The following C16orf95 variants were observed in gnomAD, a reference collection of about 807,000 sequenced individuals.
C16orf95 encodes chromosome 16 open reading frame 95.
In C16orf95, 41 loss-of-function variants were observed where a neutral mutation model predicts 32.1. The ratio of observed to expected loss-of-function variants is 1.28; its 90% CI spans 1.00 to 1.66. The LOEUF is 1.66. Among genes scored for constraint, C16orf95 ranks in the 40% most tolerant of loss-of-function variants. The pLI is 0.00. For synonymous variants in C16orf95, 147 were observed against 128.9 expected (o/e 1.14, Z -0.95); for missense variants, 399 against 325.9 (o/e 1.22, Z -1.73).
chr16:87,315,725 G>C (rs1290558697), intron 2 of C16orf95, 47 bp downstream of exon 2: 1 of 1,395,728 alleles, frequency 7.2e-7, no homozygotes, highest in Non-Finnish European at 9.6e-7. Flanking sequence ...CACCCCACAG[G>C]GATATGTTGG....
chr16:87,304,631 G>A (rs1435881581), intron 6 of C16orf95, among the ~76,000 whole-genome samples: 1 of 152,238 alleles, frequency 6.6e-6, no homozygotes, highest in Non-Finnish European at 1.5e-5. Context: ...TGCATGGCCT[G>A]GAGAGGCTGG....
At chr16:87,314,722 C>T (rs1267069003) in intron 3 of C16orf95, among the ~76,000 whole-genome samples, 1 of 152,112 alleles carries the variant, frequency 6.6e-6, no homozygotes, top group Non-Finnish European at 1.5e-5. Context: ...AATCACAGAT[C>T]CTTTTATAGT....
Position 87,309,372 on chromosome 16 carries a change from C to CTTTTTTTTTTTTT in C16orf95, c.514+912_514+924dup, listed in dbSNP as rs10551847. On this transcript the variant is annotated intron_variant, in intron 5 of 6. Coordinates refer to ENST00000567970, the MANE Select transcript of C16orf95 (RefSeq NM_001195124.3). ...TATGCATTTTCTTTTTCTTTCTTTT[C>CTTTTTTTTTTTTT]TTTTTTTTTTTTTTTTTTTTTTTTT... is the stretch of plus-strand genomic sequence containing the variant. Among the ~76,000 whole-genome samples the CTTTTTTTTTTTTT allele has an allele frequency of 1.2e-4, 10 of 86,040 alleles. 1 individual carries two copies. The highest frequency in any genetic ancestry group is 3.6e-4 in the African/African-American group (6 of 16,886). The allele number at this position is 86,040 out of a possible 152,430, so 56.4% of individuals were successfully genotyped here. A position where few individuals can be genotyped will look rare whatever the true frequency, so the allele number is the denominator to read the frequency against.
At chr16:87,310,360 G>C in intron 4 of C16orf95, 27 bp from the exon 5 acceptor site, 1 of 1,535,944 alleles carries the variant, frequency 6.5e-7, no homozygotes, top group Non-Finnish European at 8.7e-7. Context: ...GAGGCAAGCA[G>C]TCAGCCTGGC....
intron 5 of C16orf95, among the ~76,000 whole-genome samples, chr16:87,306,587 C>T (rs1458764446): frequency 2.0e-5 from 3 of 152,130 alleles, no homozygotes; most frequent in Non-Finnish European, 2.9e-5. Flanking sequence ...CTAAGTCTGT[C>T]TTTACAAGAA....
At chr16:87,310,240 C>T in intron 5 of C16orf95, 57 bp downstream of exon 5, 21 of 1,518,070 alleles carry the variant, frequency 1.4e-5, no homozygotes, top group Admixed American at 2.0e-5. Context: ...ATGATGCTCA[C>T]GAACCCCACC....
intron 6 of C16orf95, 47 bp from the exon 7 acceptor site, chr16:87,303,122 G>C (rs1441801841): frequency 6.5e-7 from 1 of 1,534,498 alleles, no homozygotes; most frequent in Non-Finnish European, 8.7e-7. Flanking sequence ...CCCAGGCTGA[G>C]ACCAGCTGCC....
chr16:87,315,386 T>C (rs1022526913), intron 2 of C16orf95, among the ~76,000 whole-genome samples: 8 of 152,318 alleles, frequency 5.3e-5, no homozygotes, highest in Admixed American at 1.3e-4. Flanking sequence ...AAAATGGGCA[T>C]GTACAAGCAG....
intron 3 of C16orf95, among the ~76,000 whole-genome samples, chr16:87,313,797 T>A (rs1385353292): frequency 1.3e-5 from 2 of 152,152 alleles, no homozygotes; most frequent in Non-Finnish European, 1.5e-5. Context: ...AGAACTTGTA[T>A]CTAGAATTTG....
Position 87,315,002 on chromosome 16 carries a change from C to T in C16orf95, c.299G>A (p.Trp100Ter). The T allele has an allele frequency of 6.5e-7, 1 of 1,536,116 alleles. No homozygotes were observed. Among genetic ancestry groups the T allele is most frequent in the Non-Finnish European group, 8.7e-7 (1 of 1,146,892 alleles). The change falls in exon 3 of 7, where the codon TGG becomes TAG. Residue 100 changes from tryptophan to a stop codon, truncating the protein, a stop_gained. Coordinates refer to ENST00000567970, the MANE Select transcript of C16orf95 (RefSeq NM_001195124.3). LOFTEE classifies it high-confidence loss of function. ...TCGGGGTCTCAGGGACAGAGGGACC[C>T]AGTAAGGCAGTGCTGCTTCCACCCT... ...VSRVEAALPY[W>*]VPLSLRPRKQ...
At chr16:87,315,196 G>T in intron 2 of C16orf95, 100 bp from the exon 3 acceptor site, 1 of 1,283,012 alleles carries the variant, frequency 7.8e-7, no homozygotes, top group Non-Finnish European at 1.0e-6. Context: ...GGAAGATGGT[G>T]TCCGGGGGCA....
chr16:87,316,727 A>G (rs943435188), intron 1 of C16orf95, among the ~76,000 whole-genome samples: 7 of 151,950 alleles, frequency 4.6e-5, no homozygotes, highest in African/African-American at 1.7e-4. Flanking sequence ...GAAAGCTGGG[A>G]AAAAAAAGAA....
At position 87,306,993 on chromosome 16, in the gene C16orf95, C is replaced by T. The variant is rs550774601; in HGVS notation, c.515-1088G>A. Among the ~76,000 whole-genome samples, 6 of 152,216 alleles carry T rather than the reference C, an allele frequency of 3.9e-5. No homozygotes were observed. The South Asian group carries it at 1.2e-3, about 32-fold the overall frequency. On this transcript the variant is annotated intron_variant, in intron 5 of 6. Coordinates refer to ENST00000567970, the MANE Select transcript of C16orf95 (RefSeq NM_001195124.3). ...ACCCAACATATGTGATTCTACGGTT[C>T]GAAGAGCCATAAGAGGTGAGCAGTT... is the stretch of plus-strand genomic sequence containing the variant.
In C16orf95 at chr16:87,311,286, G is replaced by C; in HGVS notation, c.341C>G (p.Thr114Arg). The change falls in exon 4 of 7, where the codon ACG becomes AGG. Residue 114 changes from threonine to arginine, a missense_variant. Coordinates refer to ENST00000567970, the MANE Select transcript of C16orf95 (RefSeq NM_001195124.3). ...SLRPRKQSQKTVQFPIPQTAK... is the reference protein window; with the variant it reads ...SLRPRKQSQKRVQFPIPQTAK... ...GGTTTGGGGGATAGGAAATTGAACC[G>C]TCTTTTGACTCTAACAGAGAGGATG... The C allele has an allele frequency of 6.5e-7, 1 of 1,533,064 alleles. No homozygotes were observed. Among genetic ancestry groups the C allele is most frequent in the Non-Finnish European group, 8.7e-7 (1 of 1,144,728 alleles). The allele number at this position is 1,533,064 out of a possible 1,614,324, so 95.0% of individuals were successfully genotyped here.
chr16:87,316,804 G>C (rs1904357053), intron 1 of C16orf95, among the ~76,000 whole-genome samples: 1 of 152,168 alleles, frequency 6.6e-6, no homozygotes, highest in Non-Finnish European at 1.5e-5. Context: ...TGATCATCTT[G>C]CCTCCACAAG....
In C16orf95 at chr16:87,303,165, C is replaced by T. The variant is rs907594293; in HGVS notation, c.702-90G>A. ...CGTGCCCTTGGGAAACCTCCATGAGCGGAAGGCAGAGGCGCTCCACAGTGC... is the reference window on the plus strand; with the variant it reads ...CGTGCCCTTGGGAAACCTCCATGAGTGGAAGGCAGAGGCGCTCCACAGTGC... On this transcript the variant is annotated intron_variant, in intron 6 of 6. Transcript: ENST00000567970. The T allele has an allele frequency of 3.7e-6, 5 of 1,354,388 alleles. No individual in the cohort carries two copies. The South Asian group carries it at 3.7e-5, about 10-fold the overall frequency. The allele number at this position is 1,354,388 out of a possible 1,614,324, so 83.9% of individuals were successfully genotyped here. A position where few individuals can be genotyped will look rare whatever the true frequency, so the allele number is the denominator to read the frequency against.
At chr16:87,306,288 C>T (rs538563910) in intron 5 of C16orf95, among the ~76,000 whole-genome samples, 12 of 152,056 alleles carry the variant, frequency 7.9e-5, no homozygotes, top group Admixed American at 2.0e-4. Flanking sequence ...CTGATTTAAG[C>T]CAATCTCCAC....
chr16:87,315,194 G>T, intron 2 of C16orf95, 98 bp from the exon 3 acceptor site: 1 of 1,291,942 alleles, frequency 7.7e-7, no homozygotes, highest in South Asian at 1.5e-5. Flanking sequence ...CAGGAAGATG[G>T]TGTCCGGGGG....
chr16:87,308,389 G>C (rs767137405), intron 5 of C16orf95, among the ~76,000 whole-genome samples: 3 of 152,116 alleles, frequency 2.0e-5, no homozygotes, highest in African/African-American at 4.8e-5. Context: ...GCTGAGGAAG[G>C]AGAATCACTT....
Sources: gnomAD v4.1 joint callset for allele counts (sites outside exome capture counted in the v4.1 genomes callset) on GRCh38, gnomAD v4.1.1 for gene constraint, MANE v1.5 for transcripts, NCBI Gene and HGNC (gene_info 2026-07-23, HGNC 2026-07-21) for gene names.